The following MALRD1 variants were observed in gnomAD, a reference collection of about 807,000 sequenced individuals.
MALRD1 encodes the protein MAM and LDL receptor class A domain containing 1, also known as MAM and LDL-receptor class A domain-containing protein 1.
MALRD1 carries 247 observed loss-of-function variants against 242.1 expected under a neutral mutation model. The observed-to-expected ratio is 1.02, with a 90% CI of 0.92 to 1.13. MALRD1 has a LOEUF of 1.13. Ranked by LOEUF, MALRD1 falls within the 50% of genes most tolerant of loss-of-function variation. The pLI is 0.00. For missense variants in MALRD1, 2,989 were observed against 2,533.1 expected (o/e 1.18, Z -3.86); for synonymous variants, 995 against 866.6 (o/e 1.15, Z -2.60).
chr10:19,447,869 C>A (rs1300665245), intron 28 of MALRD1, among the ~76,000 whole-genome samples: 1 of 152,132 alleles, frequency 6.6e-6, no homozygotes, highest in Non-Finnish European at 1.5e-5. Flanking sequence ...ATACGAAATT[C>A]CATTAATTAG....
intron 33 of MALRD1, among the ~76,000 whole-genome samples, chr10:19,582,699 G>A (rs11010564): frequency 0.33 from 28,751 of 85,862 alleles, 3,780 homozygotes; most frequent in African/African-American, 0.41. Flanking sequence ...TTGACTTGGC[G>A]ATGCGGGCTC....
chr10:19,154,089 T>C (rs549551742), intron 11 of MALRD1, among the ~76,000 whole-genome samples: 1 of 152,196 alleles, frequency 6.6e-6, no homozygotes, highest in Non-Finnish European at 1.5e-5. Flanking sequence ...CTTGCTCGCA[T>C]GCACTGTTTC....
intron 33 of MALRD1, among the ~76,000 whole-genome samples, chr10:19,589,061 G>C (rs549331505): frequency 5.9e-5 from 9 of 152,134 alleles, no homozygotes; most frequent in Non-Finnish European, 8.8e-5. Context: ...CATTTTAAGC[G>C]TTGGATTACT....
intron 26 of MALRD1, among the ~76,000 whole-genome samples, chr10:19,365,416 T>A (rs1212881821): frequency 6.6e-6 from 1 of 152,146 alleles, no homozygotes; most frequent in East Asian, 1.9e-4. Context: ...ATTAGATATT[T>A]TCGACAGACA....
chr10:19,116,961 G>A (rs1836890980), intron 5 of MALRD1, among the ~76,000 whole-genome samples: 1 of 151,960 alleles, frequency 6.6e-6, no homozygotes, highest in Admixed American at 6.6e-5. Flanking sequence ...CAGGCGTGGT[G>A]GCGGGCCCCT....
intron 33 of MALRD1, among the ~76,000 whole-genome samples, chr10:19,587,904 C>A (rs1278212548): frequency 2.0e-5 from 2 of 102,472 alleles, no homozygotes; most frequent in African/African-American, 5.8e-5. Flanking sequence ...AATTCCTTAT[C>A]CTAGGTGTTT....
chr10:19,052,064 T>TG (rs1322446938), intron 1 of MALRD1: 1 of 411,544 alleles, frequency 2.4e-6, no homozygotes, highest in Non-Finnish European at 4.7e-6. Context: ...ATAGCTTTGA[T>TG]GGCATGGTGG....
intron 21 of MALRD1, among the ~76,000 whole-genome samples, chr10:19,299,227 G>A (rs530855419): frequency 7.0e-4 from 106 of 152,014 alleles, no homozygotes; most frequent in Non-Finnish European, 1.4e-3. Context: ...AAAATTAATA[G>A]TATAAAAAGC....
intron 36 of MALRD1, among the ~76,000 whole-genome samples, chr10:19,687,061 A>G (rs1463268020): frequency 6.6e-6 from 1 of 151,432 alleles, no homozygotes; most frequent in Non-Finnish European, 1.5e-5. Context: ...TGTTAATTTT[A>G]TGAGTAAAAC....
At chr10:19,096,434 T>G (rs946007831) in intron 4 of MALRD1, among the ~76,000 whole-genome samples, 1 of 152,156 alleles carries the variant, frequency 6.6e-6, no homozygotes, top group African/African-American at 2.4e-5. Context: ...GTGAAAACAG[T>G]GTGTTTACCT....
chr10:19,109,441 C>A (rs1836597041), intron 5 of MALRD1, among the ~76,000 whole-genome samples: 1 of 152,116 alleles, frequency 6.6e-6, no homozygotes, highest in Non-Finnish European at 1.5e-5. Flanking sequence ...TCAGTCATGA[C>A]CTCCCTGGTT....
At chr10:19,427,704 C>T (rs552353539) in intron 28 of MALRD1, among the ~76,000 whole-genome samples, 84 of 152,034 alleles carry the variant, frequency 5.5e-4, no homozygotes, top group African/African-American at 1.4e-3. Context: ...TTATTATTGG[C>T]GTTATATAGA....
At chr10:19,149,118 A>G (rs1833843088) in intron 11 of MALRD1, among the ~76,000 whole-genome samples, 1 of 151,316 alleles carries the variant, frequency 6.6e-6, no homozygotes, top group African/African-American at 2.4e-5. Flanking sequence ...CTATCTATCT[A>G]TCTATCTAAC....
chr10:19,275,641 C>T (rs889130654), intron 19 of MALRD1, among the ~76,000 whole-genome samples: 2 of 151,884 alleles, frequency 1.3e-5, no homozygotes, highest in Non-Finnish European at 2.9e-5. Context: ...TGCACTCCAG[C>T]CTGGGCGACA....
Position 19,150,976 on chromosome 10 carries a change from C to T in MALRD1, c.1559-4099C>T, listed in dbSNP as rs148914774. On this transcript the variant is annotated intron_variant, in intron 11 of 39. Coordinates refer to ENST00000454679, the MANE Select transcript of MALRD1 (RefSeq NM_001142308.3). ...GAGTGAGACTTCTATATTTTTTAAG[C>T]AAGATATGTATTTATATTTTCAATA... 8.2e-4 allele frequency among the ~76,000 whole-genome samples: 125 copies of T among 152,126 alleles called. 1 individual carries two copies. Among genetic ancestry groups the T allele is most frequent in the African/African-American group, 2.8e-3 (118 of 41,508 alleles).
intron 28 of MALRD1, among the ~76,000 whole-genome samples, chr10:19,406,028 G>C (rs1260351005): frequency 1.3e-5 from 2 of 151,990 alleles, no homozygotes; most frequent in Admixed American, 6.6e-5. Context: ...CAACTCTGCC[G>C]CTTACTACTC....
chr10:19,696,279 C>T (rs1045464912), intron 38 of MALRD1, among the ~76,000 whole-genome samples: 2 of 152,142 alleles, frequency 1.3e-5, no homozygotes, highest in African/African-American at 2.4e-5. Context: ...AACCAAGTAA[C>T]AAATGTGACT....
chr10:19,474,363 C>A (rs916180019), intron 29 of MALRD1, among the ~76,000 whole-genome samples: 2 of 152,042 alleles, frequency 1.3e-5, no homozygotes, highest in South Asian at 2.1e-4. Context: ...CAATGTACAT[C>A]CAAAGAGATT....
At chr10:19,104,320 A>T (rs572986455) in intron 5 of MALRD1, among the ~76,000 whole-genome samples, 4 of 152,184 alleles carry the variant, frequency 2.6e-5, no homozygotes, top group Non-Finnish European at 5.9e-5. Flanking sequence ...GAAATCTTGT[A>T]GCAATGTTTA....
Sources: allele counts gnomAD v4.1 joint callset (sites outside exome capture counted in the v4.1 genomes callset), GRCh38; gene constraint gnomAD v4.1.1; transcripts MANE v1.5; gene names NCBI Gene and HGNC (gene_info 2026-07-23, HGNC 2026-07-21).